Variants in VAV3 observed in about 807,000 individuals in gnomAD.
The protein encoded by VAV3 is guanine nucleotide exchange factor VAV3.
A neutral mutation model predicts 131.2 loss-of-function variants in VAV3; 94 were observed. The ratio of observed to expected loss-of-function variants is 0.72; its 90% CI spans 0.61 to 0.85. The LOEUF (loss-of-function observed/expected upper bound fraction) is 0.85. Ranked by LOEUF, VAV3 falls within the 40% of genes least tolerant of loss-of-function variation. The pLI, the probability that VAV3 is intolerant of heterozygous loss-of-function variation, is 0.00. For missense variants in VAV3, 939 were observed against 1,002.7 expected, an observed-to-expected ratio of 0.94 and a Z score of 0.86; for synonymous variants, 349 against 342.0, an observed-to-expected ratio of 1.02 and a Z score of -0.22.
At chr1:107,821,657 T>C (rs537139578) in intron 2 of VAV3, among the ~76,000 whole-genome samples, 1 of 152,240 alleles carries the variant, frequency 6.6e-6, no homozygotes, top group Admixed American at 6.5e-5. Flanking sequence ...GGCCAGGACA[T>C]GCATGGAAAA....
At chr1:107,950,967 G>A (rs1674504019) in intron 1 of VAV3, among the ~76,000 whole-genome samples, 1 of 152,094 alleles carries the variant, frequency 6.6e-6, no homozygotes, top group Non-Finnish European at 1.5e-5. Flanking sequence ...TTTGCTCCCT[G>A]AACTTTCAAG....
chr1:107,950,884 G>C (rs1410382079), intron 1 of VAV3, among the ~76,000 whole-genome samples: 1 of 152,174 alleles, frequency 6.6e-6, no homozygotes, highest in Admixed American at 6.5e-5. Context: ...CTAGAGGTTA[G>C]AGAGAGGAGA....
chr1:107,920,462 CT>C (rs1193639365), intron 1 of VAV3, among the ~76,000 whole-genome samples: 1 of 152,142 alleles, frequency 6.6e-6, no homozygotes, highest in Admixed American at 6.5e-5. Context: ...CAAATATTGC[CT>C]TGGAGGGAGA....
intron 1 of VAV3, among the ~76,000 whole-genome samples, chr1:107,884,405 TTTATTA>T (rs140793122): frequency 0.12 from 16,902 of 141,322 alleles, 1,087 homozygotes; most frequent in Middle Eastern, 0.16. Context: ...AAATAAATTA[TTTATTA>T]TTATTATTAT....
intron 2 of VAV3, among the ~76,000 whole-genome samples, chr1:107,784,982 A>T (rs968011703): frequency 1.3e-5 from 2 of 152,200 alleles, no homozygotes; most frequent in Admixed American, 1.3e-4. Flanking sequence ...ATTTTCAACC[A>T]ATGATGATTT....
At chr1:107,743,312 G>A (rs1305692282) in intron 15 of VAV3, among the ~76,000 whole-genome samples, 5 of 152,064 alleles carry the variant, frequency 3.3e-5, no homozygotes, top group African/African-American at 1.2e-4. Context: ...GTAAACCAGG[G>A]GTGGCAAGGG....
At chr1:107,937,831 C>T (rs905363586) in intron 1 of VAV3, among the ~76,000 whole-genome samples, 4 of 151,954 alleles carry the variant, frequency 2.6e-5, no homozygotes, top group African/African-American at 7.3e-5. Flanking sequence ...ATAGGTAGGC[C>T]CCAATTTAAG....
At chr1:107,914,552 C>T (rs774233999) in intron 1 of VAV3, among the ~76,000 whole-genome samples, 11 of 152,166 alleles carry the variant, frequency 7.2e-5, no homozygotes, top group Admixed American at 3.3e-4. Flanking sequence ...GAAAGCAATC[C>T]GTAACCTGTC....
At chr1:107,660,183 G>A (rs190459004) in intron 19 of VAV3, among the ~76,000 whole-genome samples, 1 of 152,046 alleles carries the variant, frequency 6.6e-6, no homozygotes, top group African/African-American at 2.4e-5. Context: ...ATAGCATGTT[G>A]AACCCTGCAA....
chr1:107,869,215 A>G (rs1261403665), intron 2 of VAV3, among the ~76,000 whole-genome samples: 2 of 152,340 alleles, frequency 1.3e-5, no homozygotes, highest in African/African-American at 4.8e-5. Flanking sequence ...AAGAAAGAGG[A>G]AAGTGTGGTT....
intron 2 of VAV3, among the ~76,000 whole-genome samples, chr1:107,850,431 T>C (rs1408694926): frequency 1.3e-5 from 2 of 152,144 alleles, no homozygotes; most frequent in African/African-American, 4.8e-5. Flanking sequence ...GGGACATGGT[T>C]GAAGCTGGAA....
chr1:107,603,230 G>T, intron 22 of VAV3, 67 bp from the exon 23 acceptor site: 1 of 1,150,880 alleles, frequency 8.7e-7, no homozygotes, highest in Non-Finnish European at 1.3e-6. Context: ...CTAAAAGTAA[G>T]TATCTCTCAA....
intron 15 of VAV3, among the ~76,000 whole-genome samples, chr1:107,729,034 T>C (rs1047170374): frequency 6.6e-6 from 1 of 152,174 alleles, no homozygotes; most frequent in African/African-American, 2.4e-5. Flanking sequence ...GTCATGATAA[T>C]TGGAAAACTC....
intron 2 of VAV3, among the ~76,000 whole-genome samples, chr1:107,823,133 A>T (rs1044859948): frequency 6.6e-6 from 1 of 152,128 alleles, no homozygotes; most frequent in Non-Finnish European, 1.5e-5. Context: ...TCCAAAGGAG[A>T]AGGAGGAAGA....
chr1:107,642,255 C>T (rs1385936486), intron 20 of VAV3, among the ~76,000 whole-genome samples: 3 of 152,014 alleles, frequency 2.0e-5, no homozygotes, highest in African/African-American at 4.8e-5. Flanking sequence ...GTAAAGAAGC[C>T]GGCTAAATCC....
intron 15 of VAV3, among the ~76,000 whole-genome samples, chr1:107,740,742 T>C (rs913229539): frequency 3.3e-5 from 5 of 152,252 alleles, no homozygotes; most frequent in Non-Finnish European, 7.3e-5. Context: ...CAGGGGTCAC[T>C]AACTACAGCC....
intron 1 of VAV3, among the ~76,000 whole-genome samples, chr1:107,912,952 G>A (rs550579531): frequency 6.6e-6 from 1 of 152,334 alleles, no homozygotes; most frequent in Admixed American, 6.5e-5. Flanking sequence ...GATCAAGGAA[G>A]TCAACATGCC....
chr1:107,954,980 C>A (rs1005800301), intron 1 of VAV3, among the ~76,000 whole-genome samples: 10 of 152,146 alleles, frequency 6.6e-5, no homozygotes, highest in Non-Finnish European at 1.5e-4. Context: ...CGGTGTTGGA[C>A]AATTAGATGA....
intron 15 of VAV3, among the ~76,000 whole-genome samples, chr1:107,728,709 A>G (rs1479355641): frequency 2.6e-5 from 4 of 151,998 alleles, no homozygotes; most frequent in African/African-American, 4.8e-5. Flanking sequence ...AACACACACT[A>G]CTTATAAACT....
Sources: allele counts gnomAD v4.1 joint callset (sites outside exome capture counted in the v4.1 genomes callset), GRCh38; gene constraint gnomAD v4.1.1; transcripts MANE v1.5; gene names NCBI Gene and HGNC (gene_info 2026-07-23, HGNC 2026-07-21).